Variants in EPM2A observed in about 807,000 individuals in gnomAD.
EPM2A encodes EPM2A glucan phosphatase, laforin.
Under a neutral mutation model 26.5 loss-of-function variants are expected in EPM2A, and 21 were observed. The ratio of observed to expected loss-of-function variants is 0.79; its 90% CI spans 0.56 to 1.14. The LOEUF (loss-of-function observed/expected upper bound fraction) is 1.14, where lower values mean the gene tolerates loss of function less well. Among genes scored for constraint, EPM2A ranks in the 50% most tolerant of loss-of-function variants. The pLI is 0.00. For synonymous variants in EPM2A, 217 were observed against 177.6 expected, an observed-to-expected ratio of 1.22 and a Z score of -1.76; for missense variants, 458 against 440.8, an observed-to-expected ratio of 1.04 and a Z score of -0.35.
At chr6:145,497,892 G>A (rs768474022), downstream of EPM2A, among the ~76,000 whole-genome samples, 8 of 152,350 alleles carry the variant, frequency 5.3e-5, no homozygotes, top group East Asian at 9.6e-4. Context: ...CGCCAAAGCC[G>A]GCAGGCTGGA....
At chr6:145,428,267 T>C (rs1778877649) in intron 4 of EPM2A, among the ~76,000 whole-genome samples, 1 of 152,182 alleles carries the variant, frequency 6.6e-6, no homozygotes, top group Admixed American at 6.5e-5. Flanking sequence ...CTTTTATAAG[T>C]TCTATATCAC....
At chr6:145,397,221 A>G (rs999083227) in intron 4 of EPM2A, among the ~76,000 whole-genome samples, 1 of 152,108 alleles carries the variant, frequency 6.6e-6, no homozygotes, top group South Asian at 2.1e-4. Flanking sequence ...GCTTGAGGAT[A>G]GGCGTTCACT....
At chr6:145,735,741 C>G, upstream of EPM2A, 1 of 713,364 alleles carries the variant, frequency 1.4e-6, no homozygotes, top group Non-Finnish European at 1.8e-6. Context: ...CGCAACCCCG[C>G]GGGCGGTTGA....
At chr6:145,730,958 C>G (rs1183070857) in intron 1 of EPM2A, among the ~76,000 whole-genome samples, 1 of 152,082 alleles carries the variant, frequency 6.6e-6, no homozygotes, top group Non-Finnish European at 1.5e-5. Flanking sequence ...AATAAGCATG[C>G]TCTAAACACA....
At chr6:145,726,962 T>C (rs767973524) in intron 1 of EPM2A, among the ~76,000 whole-genome samples, 9 of 152,190 alleles carry the variant, frequency 5.9e-5, no homozygotes, top group Non-Finnish European at 1.2e-4. Flanking sequence ...CAGAGGAAAC[T>C]GGGTAAGGAG....
In EPM2A at chr6:145,656,427, C is replaced by A. The variant is rs964450573; in HGVS notation, c.477-20941G>T. ...TCCTGCAAACCTCACCACAGGAGAG[C>A]ACCTAGACCCTAGTGGGCCCTGAAA... is the stretch of plus-strand genomic sequence containing the variant. On this transcript the variant is annotated intron_variant, in intron 2 of 3. Transcript: ENST00000367519. 2.0e-5 allele frequency among the ~76,000 whole-genome samples: 3 copies of A among 152,226 alleles called. No homozygotes were observed. The South Asian group carries it at 6.2e-4, about 32-fold the overall frequency.
intron 4 of EPM2A, among the ~76,000 whole-genome samples, chr6:145,473,977 A>C (rs1263847773): frequency 6.6e-6 from 1 of 152,322 alleles, no homozygotes; most frequent in Non-Finnish European, 1.5e-5. Flanking sequence ...CTGAAGGTAC[A>C]AAACTTAATG....
rs912362852 is a variant in EPM2A at position 145,528,518 on chromosome 6, A to G, written c.341-25943T>C. 3.3e-5 allele frequency among the ~76,000 whole-genome samples: 5 copies of G among 152,214 alleles called. No individual in the cohort carries two copies. The East Asian group carries it at 9.6e-4, about 29-fold the overall frequency. On this transcript the variant is annotated intron_variant, in intron 2 of 3. Transcript: ENST00000450221. ...CTGCCTGTGTTCTATATATGGAACA[A>G]CAAAGCTTGACTGACAGCACATCTA...
intron 1 of EPM2A, among the ~76,000 whole-genome samples, chr6:145,704,748 G>A (rs576929412): frequency 2.6e-5 from 4 of 152,260 alleles, no homozygotes; most frequent in African/African-American, 9.6e-5. Context: ...AGATTATCAC[G>A]TCCAAGGGTT....
intron 3 of EPM2A, among the ~76,000 whole-genome samples, chr6:145,632,684 TGA>T (rs1445180913): frequency 6.6e-6 from 1 of 152,226 alleles, no homozygotes; most frequent in Non-Finnish European, 1.5e-5. Context: ...AGACTTCAAC[TGA>T]GAGCATTATG....
chr6:145,731,033 A>G (rs1365474136), intron 1 of EPM2A, among the ~76,000 whole-genome samples: 1 of 152,124 alleles, frequency 6.6e-6, no homozygotes, highest in Non-Finnish European at 1.5e-5. Flanking sequence ...TGGGTGAAAC[A>G]AATCCTGTGA....
chr6:145,590,551 C>A (rs1781259444), intron 2 of EPM2A, among the ~76,000 whole-genome samples: 1 of 152,146 alleles, frequency 6.6e-6, no homozygotes. Context: ...CTTCCCCATA[C>A]CTAACTGCCA....
chr6:145,660,172 C>CTTAA (rs1778585015), intron 2 of EPM2A, among the ~76,000 whole-genome samples: 1 of 151,924 alleles, frequency 6.6e-6, no homozygotes, highest in Admixed American at 6.5e-5. Context: ...CTAGGCCTTG[C>CTTAA]TTAACTTTGT....
chr6:145,504,166 T>C (rs1278363288), intron 2 of EPM2A, among the ~76,000 whole-genome samples: 2 of 134,506 alleles, frequency 1.5e-5, no homozygotes, highest in Non-Finnish European at 3.2e-5. Flanking sequence ...GGCATTACCA[T>C]TCAGGACATA....
downstream of EPM2A, among the ~76,000 whole-genome samples, chr6:145,496,945 GC>G (rs1779829767): frequency 6.6e-6 from 1 of 151,970 alleles, no homozygotes; most frequent in African/African-American, 2.4e-5. Context: ...CACCTTGTTA[GC>G]CCAGTTCCTG....
intron 2 of EPM2A, among the ~76,000 whole-genome samples, chr6:145,650,559 A>C (rs1777816286): frequency 6.6e-6 from 1 of 152,132 alleles, no homozygotes; most frequent in Non-Finnish European, 1.5e-5. Context: ...CTCAAAAAAA[A>C]AAAAAATTAG....
intron 4 of EPM2A, among the ~76,000 whole-genome samples, chr6:145,455,441 TC>T: frequency 6.6e-6 from 1 of 152,142 alleles, no homozygotes; most frequent in Non-Finnish European, 1.5e-5. Context: ...CACTGCAATC[TC>T]CGCCTCCTGG....
chr6:145,716,069 T>G (rs1775602105), intron 1 of EPM2A, among the ~76,000 whole-genome samples: 1 of 152,196 alleles, frequency 6.6e-6, no homozygotes, highest in Admixed American at 6.5e-5. Flanking sequence ...AGGTTACTTA[T>G]ACTATCAAAT....
At chr6:145,655,186 G>GAAAAAAAA (rs5880651) in intron 2 of EPM2A, among the ~76,000 whole-genome samples, 1 of 140,760 alleles carries the variant, frequency 7.1e-6, no homozygotes. Flanking sequence ...ATTTTGCTGT[G>GAAAAAAAA]AAAAAAAAAA....
Sources: gnomAD v4.1 joint callset for allele counts (sites outside exome capture counted in the v4.1 genomes callset) on GRCh38, gnomAD v4.1.1 for gene constraint, MANE v1.5 for transcripts, NCBI Gene and HGNC (gene_info 2026-07-23, HGNC 2026-07-21) for gene names.